ELN: variants seen among roughly 807,000 people sequenced by gnomAD.
The protein encoded by ELN is elastin, also known as tropoelastin.
ELN carries 65 observed loss-of-function variants against 105.8 expected under a neutral mutation model. The observed-to-expected ratio is 0.61, with a 90% CI of 0.50 to 0.75. The LOEUF (loss-of-function observed/expected upper bound fraction) is 0.75, where lower values mean the gene tolerates loss of function less well. Ranked by LOEUF, ELN falls within the 30% of genes least tolerant of loss-of-function variation. The pLI is 0.00. For synonymous variants in ELN, 368 were observed against 389.2 expected, an observed-to-expected ratio of 0.95 and a Z score of 0.64; for missense variants, 882 against 969.4, an observed-to-expected ratio of 0.91 and a Z score of 1.20.
chr7:74,053,003 C>T (rs904142428), intron 17 of ELN, 160 bp from the exon 18 acceptor site: 3 of 1,031,540 alleles, frequency 2.9e-6, no homozygotes, highest in African/African-American at 3.2e-5. Flanking sequence ...CTCTTAGTCT[C>T]TCCACATCTC....
At chr7:74,064,201 G>A (rs1312346662) in intron 29 of ELN, among the ~76,000 whole-genome samples, 11 of 151,208 alleles carry the variant, frequency 7.3e-5, no homozygotes, top group Middle Eastern at 3.4e-3. Context: ...GGCAGATCAC[G>A]AGGTCAGATC....
At chr7:74,066,632 C>T (rs1798017858) in intron 31 of ELN, 100 bp from the exon 32 acceptor site, 2 of 1,132,628 alleles carry the variant, frequency 1.8e-6, no homozygotes, top group Admixed American at 1.7e-5. Flanking sequence ...GGAGGTGATC[C>T]CAGACAGAGG....
At chr7:74,034,094 G>A (rs958731844) in intron 1 of ELN, among the ~76,000 whole-genome samples, 4 of 152,172 alleles carry the variant, frequency 2.6e-5, no homozygotes, top group East Asian at 1.9e-4. Flanking sequence ...CATTCATGGC[G>A]TCCCCCTGCG....
At position 74,069,587 on chromosome 7, in the gene ELN, A is replaced by G. The variant is rs1282825800; in HGVS notation, c.*887A>G. The G allele has an allele frequency of 1.7e-5, 4 of 233,104 alleles. No individual in the cohort carries two copies. Among genetic ancestry groups the G allele is most frequent in the African/African-American group, 4.4e-5 (2 of 45,172 alleles). The allele number at this position is 233,104 out of a possible 1,614,324, so 14.4% of individuals were successfully genotyped here. A position where few individuals can be genotyped will look rare whatever the true frequency, so the allele number is the denominator to read the frequency against. ...ATACCCCCCATCCCTCCCTCGGTCC[A>G]CTGAACTTCAGAGCAGTTCCCATTC... On this transcript the variant is annotated 3_prime_UTR_variant, in exon 33 of 33. Coordinates refer to ENST00000252034, the MANE Select transcript of ELN (RefSeq NM_000501.4).
chr7:74,055,189 C>T (rs1364582283), intron 19 of ELN, among the ~76,000 whole-genome samples: 1 of 152,330 alleles, frequency 6.6e-6, no homozygotes, highest in Non-Finnish European at 1.5e-5. Flanking sequence ...CCTGTAATCC[C>T]AGCAATTTGG....
chr7:74,056,336 G>T lies in ELN; in HGVS notation c.1216G>T (p.Gly406Cys). The change falls in exon 20 of 33, where the codon GGC (glycine) becomes TGC (cysteine). Residue 406 changes from glycine to cysteine, a missense_variant. Physicochemically the swap from Gly to Cys is radical, Grantham distance 159 (BLOSUM62 -3). Coordinates refer to ENST00000252034, the MANE Select transcript of ELN (RefSeq NM_000501.4). ...CGGGGTTGGAGCTGGGGGCTTTCCC[G>T]GCTTTGGTGTCGGAGTCGGAGGTAT... ...TYGVGAGGFPGFGVGVGGIPG... is the reference protein window; with the variant it reads ...TYGVGAGGFPCFGVGVGGIPG... 1 of 1,614,138 alleles carries T rather than the reference G, an allele frequency of 6.2e-7. No individual in the cohort carries two copies. The highest frequency in any genetic ancestry group is 8.5e-7 in the Non-Finnish European group (1 of 1,180,016).
chr7:74,060,281 C>T, intron 24 of ELN, 95 bp from the exon 25 acceptor site: 1 of 1,613,846 alleles, frequency 6.2e-7, no homozygotes, highest in East Asian at 2.2e-5. Flanking sequence ...GATCTGGGCC[C>T]CTTCCTCTGG....
intron 1 of ELN, among the ~76,000 whole-genome samples, chr7:74,034,110 G>A (rs536409517): frequency 2.0e-4 from 31 of 152,302 alleles, no homozygotes; most frequent in African/African-American, 6.0e-4. Context: ...CTGCGGCCCC[G>A]GCGCCTCCTA....
intron 1 of ELN, 69 bp downstream of exon 1, chr7:74,028,338 C>T (rs886824574): frequency 1.1e-5 from 17 of 1,525,198 alleles, no homozygotes; most frequent in South Asian, 1.1e-4. Flanking sequence ...GGTGACTAGA[C>T]GCTCAAGGGG....
chr7:74,047,830 T>C lies in ELN; in HGVS notation c.685+114T>C. On this transcript the variant is annotated intron_variant, in intron 13 of 32. Transcript: ENST00000252034. Reference sequence around the variant, plus strand: ...GGAGAGCACCTCGCTGGGGCAGGGTTGGGGTCTTGGAGTGGGAATCTCAGA... The same window carrying C: ...GGAGAGCACCTCGCTGGGGCAGGGTCGGGGTCTTGGAGTGGGAATCTCAGA... 2.7e-6 allele frequency: 4 copies of C among 1,482,096 alleles called. No individual in the cohort carries two copies. The South Asian group carries it at 4.6e-5, about 17-fold the overall frequency. The allele number at this position is 1,482,096 out of a possible 1,614,324, so 91.8% of individuals were successfully genotyped here.
rs149902053 is a variant in ELN, at chr7:74,061,243, G to A, written c.1786+104G>A. 2.3e-4 allele frequency: 333 copies of A among 1,458,448 alleles called. 2 individuals are homozygous for A. In the South Asian group the frequency reaches 2.6e-3, roughly 12 times the overall value. The allele number at this position is 1,458,448 out of a possible 1,614,324, so 90.3% of individuals were successfully genotyped here. On this transcript the variant is annotated intron_variant, in intron 26 of 32. Transcript: ENST00000252034. ...TAGAAAAAGGCAGTTTCGGCCGGGCGTGGTGGCTCACACCTGTAATCCCAG... is the reference window on the plus strand; with the variant it reads ...TAGAAAAAGGCAGTTTCGGCCGGGCATGGTGGCTCACACCTGTAATCCCAG...
At chr7:74,051,611 G>C (rs1371545000) in intron 15 of ELN, 139 bp from the exon 16 acceptor site, 1 of 864,540 alleles carries the variant, frequency 1.2e-6, no homozygotes, top group Non-Finnish European at 1.8e-6. Flanking sequence ...GGCCTCCCCA[G>C]ACAGGCCCAT....
At chr7:74,047,474 A>G (rs932428272) in intron 12 of ELN, among the ~76,000 whole-genome samples, 1 of 152,094 alleles carries the variant, frequency 6.6e-6, no homozygotes, top group Non-Finnish European at 1.5e-5. Flanking sequence ...TTGTAGGGGG[A>G]TGGGTGTTCC....
intron 26 of ELN, 80 bp downstream of exon 26, chr7:74,061,219 A>C: frequency 6.3e-7 from 1 of 1,591,822 alleles, no homozygotes; most frequent in Non-Finnish European, 8.6e-7. Context: ...TGGTCACAAT[A>C]GAAAAAGGCA....
chr7:74,047,852 C>T (rs1554673467), intron 13 of ELN, 136 bp downstream of exon 13: 1 of 1,307,400 alleles, frequency 7.6e-7, no homozygotes, highest in Non-Finnish European at 1.1e-6. Flanking sequence ...GTGGGAATCT[C>T]AGAAGGAAAG....
At chr7:74,036,860 G>A (rs1302319597) in intron 3 of ELN, among the ~76,000 whole-genome samples, 1 of 151,924 alleles carries the variant, frequency 6.6e-6, no homozygotes, top group African/African-American at 2.4e-5. Flanking sequence ...TCGTTCTGTC[G>A]CCCAGGCTGG....
At chr7:74,055,670 G>C (rs1554679068) in intron 19 of ELN, among the ~76,000 whole-genome samples, 1 of 152,064 alleles carries the variant, frequency 6.6e-6, no homozygotes, top group Admixed American at 6.6e-5. Context: ...AGTAGAGACA[G>C]GGTTTTGCCT....
Position 74,048,190 on chromosome 7 carries a change from C to A in ELN, c.734C>A (p.Pro245Gln), listed in dbSNP as rs1793023771. ...GGTGCAGCGGGCAAGGCTGGTTACC[C>A]AACAGGGACAGGTAAGGAAAGCCTC... is the stretch of plus-strand genomic sequence containing the variant. ...VAGAAGKAGYPTGTGVGPQAA... is the reference protein window; with the variant it reads ...VAGAAGKAGYQTGTGVGPQAA... Residue 245 changes from proline (P) to glutamine (Q), a missense_variant, in exon 14 of 33, where the codon CCA becomes CAA. Transcript: ENST00000252034. The A allele has an allele frequency of 1.2e-6, 2 of 1,613,896 alleles. No homozygotes were observed. The highest frequency in any genetic ancestry group is 1.7e-6 in the Non-Finnish European group (2 of 1,179,960).
chr7:74,054,331 A>G (rs782588179), intron 18 of ELN, among the ~76,000 whole-genome samples: 2 of 152,092 alleles, frequency 1.3e-5, no homozygotes, highest in African/African-American at 2.4e-5. Flanking sequence ...TTAGCCAGGC[A>G]TGGTGGTGGG....
Sources: allele counts gnomAD v4.1 joint callset (sites outside exome capture counted in the v4.1 genomes callset), GRCh38; gene constraint gnomAD v4.1.1; transcripts MANE v1.5; gene names NCBI Gene and HGNC (gene_info 2026-07-23, HGNC 2026-07-21).